DENND2B: variants seen among roughly 807,000 people sequenced by gnomAD.
DENND2B encodes the protein DENN domain containing 2B.
In DENND2B, 32 loss-of-function variants were observed where a neutral mutation model predicts 116.0. The ratio of observed to expected loss-of-function variants is 0.28; its 90% CI spans 0.21 to 0.37. DENND2B has a LOEUF of 0.37. DENND2B is among the 10% of genes least tolerant of loss of function. DENND2B has a pLI of 1.00. For synonymous variants in DENND2B, 588 were observed against 583.9 expected (o/e 1.01, Z -0.10); for missense variants, 1,276 against 1,477.7 (o/e 0.86, Z 2.24).
chr11:8,755,572 G>A (rs1348926172), intron 1 of DENND2B, among the ~76,000 whole-genome samples: 2 of 152,156 alleles, frequency 1.3e-5, no homozygotes, highest in Non-Finnish European at 2.9e-5. Context: ...CCTCCAAGGT[G>A]AATACGGCAG....
chr11:8,813,620 C>T (rs776219434), upstream of DENND2B, among the ~76,000 whole-genome samples: 1 of 152,120 alleles, frequency 6.6e-6, no homozygotes, highest in African/African-American at 2.4e-5. Flanking sequence ...TTGTTGAGCA[C>T]CTACCATATG....
At chr11:8,810,161 T>TA (rs1272678104) in intron 1 of DENND2B, 1 of 151,706 alleles carries the variant, frequency 6.6e-6, no homozygotes, top group Non-Finnish European at 1.5e-5. Context: ...AGTTTCCCTG[T>TA]AAGAACTACA....
intron 8 of DENND2B, among the ~76,000 whole-genome samples, chr11:8,713,769 T>C (rs1453888318): frequency 6.6e-6 from 1 of 152,150 alleles, no homozygotes; most frequent in African/African-American, 2.4e-5. Flanking sequence ...ACCCTTACAT[T>C]TGGCAAAGGG....
chr11:8,788,060 G>A (rs1383898098), intron 1 of DENND2B, among the ~76,000 whole-genome samples: 1 of 152,130 alleles, frequency 6.6e-6, no homozygotes, highest in Non-Finnish European at 1.5e-5. Context: ...ATGTTTAAGA[G>A]GGAAGTGGTC....
At chr11:8,879,923 T>A (rs1016080590) in intron 2 of DENND2B, among the ~76,000 whole-genome samples, 32 of 152,208 alleles carry the variant, frequency 2.1e-4, no homozygotes, top group East Asian at 1.9e-4. Flanking sequence ...TTAGGGAGTT[T>A]CGATTGAAAT....
chr11:8,767,229 C>T (rs2055992907), intron 1 of DENND2B, among the ~76,000 whole-genome samples: 1 of 152,108 alleles, frequency 6.6e-6, no homozygotes, highest in South Asian at 2.1e-4. Context: ...GGAGAGGGCA[C>T]TCAGAAGCAT....
At chr11:8,824,696 T>TC (rs2061905287) in intron 4 of DENND2B, among the ~76,000 whole-genome samples, 1 of 151,888 alleles carries the variant, frequency 6.6e-6, no homozygotes, top group South Asian at 2.1e-4. Context: ...CAAAATTTTT[T>TC]TTTTTTTTTG....
intron 14 of DENND2B, among the ~76,000 whole-genome samples, chr11:8,700,330 C>T (rs952410250): frequency 5.9e-5 from 9 of 152,160 alleles, no homozygotes; most frequent in Admixed American, 5.2e-4. Flanking sequence ...CCACAGAACA[C>T]CTAGAAGTGT....
intron 13 of DENND2B, among the ~76,000 whole-genome samples, chr11:8,706,312 A>C (rs1010407419): frequency 6.6e-6 from 1 of 152,202 alleles, no homozygotes; most frequent in Non-Finnish European, 1.5e-5. Context: ...CCCCTGCTTT[A>C]GATAAAACCC....
At chr11:8,806,386 G>A (rs552342021) in intron 1 of DENND2B, among the ~76,000 whole-genome samples, 1 of 152,072 alleles carries the variant, frequency 6.6e-6, no homozygotes, top group Non-Finnish European at 1.5e-5. Context: ...GGTTAAGAAG[G>A]CTTCATACGC....
At chr11:8,782,309 T>C (rs1325136456) in intron 1 of DENND2B, among the ~76,000 whole-genome samples, 2 of 152,224 alleles carry the variant, frequency 1.3e-5, no homozygotes, top group Non-Finnish European at 2.9e-5. Flanking sequence ...TACTATACAT[T>C]ATTTATGGAC....
At chr11:8,784,306 G>C (rs1015232194) in intron 1 of DENND2B, 2 of 151,320 alleles carry the variant, frequency 1.3e-5, no homozygotes, top group African/African-American at 4.9e-5. Context: ...GCATGCCTGT[G>C]GTCCCTGCTA....
chr11:8,742,802 C>T (rs956067516), intron 2 of DENND2B, among the ~76,000 whole-genome samples: 13 of 151,792 alleles, frequency 8.6e-5, no homozygotes, highest in Admixed American at 3.9e-4. Context: ...CGGTGGCTCA[C>T]GCCTGTAATC....
chr11:8,842,857 TTACAG>T (rs1274233453), intron 3 of DENND2B, among the ~76,000 whole-genome samples: 1 of 152,180 alleles, frequency 6.6e-6, no homozygotes, highest in Non-Finnish European at 1.5e-5. Flanking sequence ...GTTAAATTCT[TTACAG>T]TAAGGGTGAT....
intron 7 of DENND2B, 122 bp downstream of exon 7, chr11:8,714,488 C>T: frequency 1.3e-6 from 1 of 796,062 alleles, no homozygotes; most frequent in Non-Finnish European, 2.0e-6. Context: ...CCTGTCTGCT[C>T]CTCCCTCCTA....
chr11:8,824,037 G>C (rs1305210595), intron 4 of DENND2B, among the ~76,000 whole-genome samples: 2 of 151,672 alleles, frequency 1.3e-5, no homozygotes, highest in East Asian at 1.9e-4. Context: ...CCAGTAGCTG[G>C]GACTACAGGT....
chr11:8,805,247 T>C (rs760093478), intron 1 of DENND2B, among the ~76,000 whole-genome samples: 4 of 152,166 alleles, frequency 2.6e-5, no homozygotes, highest in Non-Finnish European at 5.9e-5. Flanking sequence ...TCCATCAGAA[T>C]TGCTCTAAGG....
intron 4 of DENND2B, among the ~76,000 whole-genome samples, chr11:8,818,528 A>G (rs2061656870): frequency 6.6e-6 from 1 of 152,094 alleles, no homozygotes; most frequent in South Asian, 2.1e-4. Flanking sequence ...GTGTGAGCCC[A>G]GACTGTGCCA....
At chr11:8,897,673 G>A (rs1435983526) in intron 1 of DENND2B, among the ~76,000 whole-genome samples, 1 of 152,296 alleles carries the variant, frequency 6.6e-6, no homozygotes, top group East Asian at 1.9e-4. Context: ...ACAAGGGCAC[G>A]GTTATGCACA....
Sources: gnomAD v4.1 joint callset for allele counts (sites outside exome capture counted in the v4.1 genomes callset) on GRCh38, gnomAD v4.1.1 for gene constraint, MANE v1.5 for transcripts, NCBI Gene and HGNC (gene_info 2026-07-23, HGNC 2026-07-21) for gene names.